Variants in AQP7B observed in about 807,000 individuals in gnomAD.
The protein encoded by AQP7B is putative aquaporin-7B.
chr2:94,595,661 G>C, the AQP7B span, among the ~76,000 whole-genome samples: 1 of 152,060 alleles, frequency 6.6e-6, no homozygotes, highest in African/African-American at 2.4e-5. Context: ...TTTTGATCTG[G>C]GACAGAGAGA....
chr2:94,590,470 G>C, the AQP7B span, among the ~76,000 whole-genome samples: 11 of 152,154 alleles, frequency 7.2e-5, no homozygotes, highest in Admixed American at 2.6e-4. Context: ...TTACAGGCAT[G>C]AGTCACCATG....
the AQP7B span, among the ~76,000 whole-genome samples, chr2:94,602,852 T>C: frequency 6.6e-6 from 1 of 152,232 alleles, no homozygotes; most frequent in Non-Finnish European, 1.5e-5. Context: ...CATCGCCTTC[T>C]GTGTTCCTCA....
chr2:94,604,295 G>A, the AQP7B span: 5 of 1,603,900 alleles, frequency 3.1e-6, no homozygotes, highest in African/African-American at 5.3e-5. Flanking sequence ...CAGCGATGGG[G>A]AGAACTGGTG....
the AQP7B span, among the ~76,000 whole-genome samples, chr2:94,597,556 G>T: frequency 2.0e-5 from 3 of 151,886 alleles, no homozygotes; most frequent in South Asian, 4.1e-4. Context: ...TTTTGCCCAA[G>T]GTCACACTTT....
At chr2:94,602,263 C>T in the AQP7B span, among the ~76,000 whole-genome samples, 2 of 151,966 alleles carry the variant, frequency 1.3e-5, no homozygotes, top group Non-Finnish European at 2.9e-5. Flanking sequence ...TCTAACTCTG[C>T]TGCTCCACCC....
chr2:94,594,646 C>A, the AQP7B span: 1 of 795,594 alleles, frequency 1.3e-6, no homozygotes, highest in Non-Finnish European at 2.1e-6. Flanking sequence ...GGCGAGGCTG[C>A]TGGGTTACCT....
chr2:94,597,327 G>A, the AQP7B span, among the ~76,000 whole-genome samples: 1 of 152,124 alleles, frequency 6.6e-6, no homozygotes, highest in Non-Finnish European at 1.5e-5. Context: ...GAGCTGTTAG[G>A]GAAATAGGCA....
chr2:94,587,436 G>C, the AQP7B span, among the ~76,000 whole-genome samples: 1 of 152,206 alleles, frequency 6.6e-6, no homozygotes, highest in African/African-American at 2.4e-5. Flanking sequence ...GCAGGGTGGG[G>C]ATGGGGCAGC....
chr2:94,600,159 C>T, the AQP7B span, among the ~76,000 whole-genome samples: 2 of 152,022 alleles, frequency 1.3e-5, no homozygotes, highest in South Asian at 2.1e-4. Flanking sequence ...CATGAGCCAC[C>T]GCACCCAGCC....
At chr2:94,600,759 A>G in the AQP7B span, among the ~76,000 whole-genome samples, 3 of 152,084 alleles carry the variant, frequency 2.0e-5, no homozygotes, top group Non-Finnish European at 2.9e-5. Context: ...TGCACCTACA[A>G]TCTCAACTAC....
chr2:94,602,784 A>T, the AQP7B span, among the ~76,000 whole-genome samples: 2 of 152,056 alleles, frequency 1.3e-5, no homozygotes, highest in Non-Finnish European at 2.9e-5. Context: ...TCTGCCCCAG[A>T]TTCTTTCTGG....
chr2:94,597,673 C>T, the AQP7B span, among the ~76,000 whole-genome samples: 1 of 148,150 alleles, frequency 6.7e-6, no homozygotes, highest in Non-Finnish European at 1.5e-5. Context: ...GGTGCAATCT[C>T]GGCTCACTGC....
the AQP7B span, among the ~76,000 whole-genome samples, chr2:94,589,590 C>G: frequency 6.6e-6 from 1 of 152,198 alleles, no homozygotes; most frequent in African/African-American, 2.4e-5. Context: ...CATTTCATTG[C>G]TGTCAGCTCC....
the AQP7B span, chr2:94,603,880 C>G: frequency 7.3e-7 from 1 of 1,368,978 alleles, no homozygotes; most frequent in Admixed American, 1.7e-5. Context: ...CCGGGACCCG[C>G]CCCCCAGCAT....
the AQP7B span, among the ~76,000 whole-genome samples, chr2:94,596,653 A>T: frequency 6.6e-6 from 1 of 152,138 alleles, no homozygotes; most frequent in Non-Finnish European, 1.5e-5. Context: ...TAGCTCTGTT[A>T]TCTTCTAGCT....
chr2:94,591,330 C>A, the AQP7B span, among the ~76,000 whole-genome samples: 3 of 152,176 alleles, frequency 2.0e-5, no homozygotes, highest in Admixed American at 1.3e-4. Context: ...CTAGTCATTC[C>A]GCTGCCCTAG....
chr2:94,588,021 G>A, the AQP7B span, among the ~76,000 whole-genome samples: 1 of 152,070 alleles, frequency 6.6e-6, no homozygotes, highest in African/African-American at 2.4e-5. Flanking sequence ...AGGTACACGG[G>A]TGAAATGAGT....
At chr2:94,597,997 G>A in the AQP7B span, among the ~76,000 whole-genome samples, 1 of 152,142 alleles carries the variant, frequency 6.6e-6, no homozygotes, top group African/African-American at 2.4e-5. Flanking sequence ...TGCTCCCCCA[G>A]CCAGGGTAAG....
the AQP7B span, among the ~76,000 whole-genome samples, chr2:94,593,848 C>T: frequency 4.6e-5 from 7 of 152,096 alleles, no homozygotes; most frequent in Non-Finnish European, 7.3e-5. Flanking sequence ...CAGTCCTATA[C>T]GTCTCCCTAT....
Sources: allele counts gnomAD v4.1 joint callset (sites outside exome capture counted in the v4.1 genomes callset), GRCh38; gene constraint gnomAD v4.1.1; transcripts MANE v1.5; gene names NCBI Gene and HGNC (gene_info 2026-07-23, HGNC 2026-07-21).